The following SUCLG2 variants were observed in gnomAD, a reference collection of about 807,000 sequenced individuals.
SUCLG2 encodes the protein succinate--CoA ligase [GDP-forming] subunit beta, mitochondrial.
Under a neutral mutation model 47.9 loss-of-function variants are expected in SUCLG2, and 42 were observed. The observed-to-expected ratio is 0.88, with a 90% CI of 0.69 to 1.14. The LOEUF is 1.14. Among genes scored for constraint, SUCLG2 ranks in the 50% most tolerant of loss-of-function variants. The pLI, the probability that SUCLG2 is intolerant of heterozygous loss-of-function variation, is 0.00. For missense variants in SUCLG2, 571 were observed against 525.9 expected (o/e 1.09, Z -0.84); for synonymous variants, 195 against 197.3 (o/e 0.99, Z 0.10).
chr3:67,489,908 C>A (rs555206356), intron 9 of SUCLG2, among the ~76,000 whole-genome samples: 1 of 152,250 alleles, frequency 6.6e-6, no homozygotes, highest in Non-Finnish European at 1.5e-5. Context: ...TTAAGGCTAA[C>A]CAATTGGAAG....
chr3:67,537,076 G>GAT (rs1706564035), intron 2 of SUCLG2, among the ~76,000 whole-genome samples: 1 of 152,084 alleles, frequency 6.6e-6, no homozygotes, highest in Non-Finnish European at 1.5e-5. Flanking sequence ...TAGGTTCTGG[G>GAT]ATATATATGC....
chr3:67,591,584 C>A (rs998234663), intron 2 of SUCLG2, among the ~76,000 whole-genome samples: 2 of 152,118 alleles, frequency 1.3e-5, no homozygotes, highest in Non-Finnish European at 2.9e-5. Flanking sequence ...GCTTTTGCTT[C>A]TTCCTCATTT....
At chr3:67,618,367 C>T (rs529255574) in intron 1 of SUCLG2, among the ~76,000 whole-genome samples, 19 of 152,172 alleles carry the variant, frequency 1.2e-4, no homozygotes, top group African/African-American at 4.3e-4. Context: ...TGCAGTGAGC[C>T]GAGATCTCGC....
chr3:67,580,491 T>C (rs1383161518), intron 2 of SUCLG2, among the ~76,000 whole-genome samples: 2 of 152,206 alleles, frequency 1.3e-5, no homozygotes, highest in Non-Finnish European at 1.5e-5. Flanking sequence ...TAATGAAAGA[T>C]ACATCTTCAA....
At chr3:67,484,196 CAA>C (rs34107849) in intron 9 of SUCLG2, among the ~76,000 whole-genome samples, 2 of 152,156 alleles carry the variant, frequency 1.3e-5, no homozygotes, top group Non-Finnish European at 2.9e-5. Context: ...CCACTCTCTG[CAA>C]AGAGTCCTTC....
At chr3:67,409,764 T>C (rs1702895149) in intron 9 of SUCLG2, among the ~76,000 whole-genome samples, 2 of 152,102 alleles carry the variant, frequency 1.3e-5, no homozygotes, top group Non-Finnish European at 2.9e-5. Context: ...TGATTAGGTA[T>C]ATGTAAAGCA....
chr3:67,402,090 G>C (rs1262745257), intron 9 of SUCLG2, among the ~76,000 whole-genome samples: 2 of 152,168 alleles, frequency 1.3e-5, no homozygotes, highest in African/African-American at 4.8e-5. Flanking sequence ...CTACTGATTT[G>C]TTCATTGATG....
intron 9 of SUCLG2, among the ~76,000 whole-genome samples, chr3:67,440,031 A>C (rs557811506): frequency 6.6e-6 from 1 of 152,314 alleles, no homozygotes; most frequent in African/African-American, 2.4e-5. Flanking sequence ...ACCAAAACAG[A>C]TATATAGACC....
At chr3:67,379,719 G>A (rs1272357340) in intron 10 of SUCLG2, among the ~76,000 whole-genome samples, 7 of 152,184 alleles carry the variant, frequency 4.6e-5, no homozygotes, top group Admixed American at 6.5e-5. Context: ...CTGTTGGGCT[G>A]ACACCTCTCT....
At chr3:67,600,189 T>C (rs1708385965) in intron 2 of SUCLG2, among the ~76,000 whole-genome samples, 1 of 152,230 alleles carries the variant, frequency 6.6e-6, no homozygotes, top group Non-Finnish European at 1.5e-5. Flanking sequence ...TATCAAGTTA[T>C]CTGACAAGTT....
At chr3:67,407,993 C>T (rs73100396) in intron 9 of SUCLG2, among the ~76,000 whole-genome samples, 1 of 152,048 alleles carries the variant, frequency 6.6e-6, no homozygotes. Context: ...AAAAAATACT[C>T]TGCTAAATTA....
intron 2 of SUCLG2, among the ~76,000 whole-genome samples, chr3:67,593,254 A>G (rs1708214343): frequency 7.4e-6 from 1 of 136,020 alleles, no homozygotes; most frequent in African/African-American, 3.1e-5. Flanking sequence ...TGCATATTCA[A>G]TTGGTCTAAC....
chr3:67,474,721 G>T (rs1704701448), intron 9 of SUCLG2, among the ~76,000 whole-genome samples: 1 of 152,076 alleles, frequency 6.6e-6, no homozygotes, highest in Non-Finnish European at 1.5e-5. Context: ...ACTGAATTTT[G>T]TCCTGGTTAT....
At chr3:67,611,856 T>C (rs958104463) in intron 1 of SUCLG2, among the ~76,000 whole-genome samples, 1 of 152,126 alleles carries the variant, frequency 6.6e-6, no homozygotes, top group African/African-American at 2.4e-5. Context: ...CCACACTGAC[T>C]CAAATGAAAG....
intron 9 of SUCLG2, among the ~76,000 whole-genome samples, chr3:67,459,521 T>G (rs1044527109): frequency 1.3e-5 from 2 of 152,180 alleles, no homozygotes; most frequent in Non-Finnish European, 2.9e-5. Flanking sequence ...TGCTCAAGGG[T>G]CAAGTTTAAA....
At chr3:67,415,028 A>C (rs904674888) in intron 9 of SUCLG2, among the ~76,000 whole-genome samples, 1 of 152,040 alleles carries the variant, frequency 6.6e-6, no homozygotes, top group Non-Finnish European at 1.5e-5. Context: ...ATTTTTAAAA[A>C]AGTTTTTGGT....
intron 2 of SUCLG2, among the ~76,000 whole-genome samples, chr3:67,586,719 G>A (rs1018181153): frequency 1.3e-5 from 2 of 152,198 alleles, no homozygotes; most frequent in African/African-American, 4.8e-5. Context: ...ACAGTATGGT[G>A]GTTAGGAACA....
At chr3:67,586,513 GCAGT>G (rs1427746285) in intron 2 of SUCLG2, among the ~76,000 whole-genome samples, 1 of 152,124 alleles carries the variant, frequency 6.6e-6, no homozygotes, top group African/African-American at 2.4e-5. Flanking sequence ...CAGTCCTTAG[GCAGT>G]CAATTAATCT....
rs1196272595 is a variant in SUCLG2 at position 67,508,859 on chromosome 3, A to C, written c.705T>G (p.Ile235Met). Residue 235 changes from isoleucine to methionine, a missense_variant, in exon 7 of 11, where the codon ATT becomes ATG. Physicochemically the swap from Ile to Met is conservative, Grantham distance 10 (BLOSUM62 1). Transcript: ENST00000307227. The part of the protein sequence containing the change: ...ITKLYNLFLK[I>M]DATQVEVNPF... ...GATTCACTTCCACCTGAGTAGCATC[A>C]ATTTTCAGGAAGAGATTATACAGCT... The C allele has an allele frequency of 1.2e-6, 2 of 1,612,516 alleles. No individual in the cohort carries two copies. Among genetic ancestry groups the C allele is most frequent in the African/African-American group, 2.7e-5 (2 of 74,800 alleles).
Sources: gnomAD v4.1 joint callset for allele counts (sites outside exome capture counted in the v4.1 genomes callset) on GRCh38, gnomAD v4.1.1 for gene constraint, MANE v1.5 for transcripts, NCBI Gene and HGNC (gene_info 2026-07-23, HGNC 2026-07-21) for gene names.